PDE4D: variants seen among roughly 807,000 people sequenced by gnomAD.
The protein encoded by PDE4D is phosphodiesterase 4D.
A neutral mutation model predicts 87.4 loss-of-function variants in PDE4D; 24 were observed. That is an observed-to-expected ratio of 0.27 (90% CI 0.20 to 0.39). The LOEUF is 0.39. Among genes scored for constraint, PDE4D ranks in the 10% least tolerant of loss-of-function variants. PDE4D has a pLI of 1.00. For synonymous variants in PDE4D, 384 were observed against 383.2 expected (o/e 1.00, Z -0.02); for missense variants, 714 against 1,041.0 (o/e 0.69, Z 4.32).
intron 2 of PDE4D, among the ~76,000 whole-genome samples, chr5:60,166,075 T>A (rs1290942166): frequency 2.0e-5 from 3 of 152,126 alleles, no homozygotes; most frequent in African/African-American, 7.2e-5. Context: ...ATGAGGCTTA[T>A]AAAAAACACT....
upstream of PDE4D, among the ~76,000 whole-genome samples, chr5:59,895,091 A>G (rs1468963864): frequency 6.6e-6 from 1 of 152,232 alleles, no homozygotes; most frequent in Non-Finnish European, 1.5e-5. Flanking sequence ...GTCTTAACAT[A>G]TTTTCATATG....
At chr5:60,004,652 T>G (rs186671255) in intron 2 of PDE4D, among the ~76,000 whole-genome samples, 58 of 152,196 alleles carry the variant, frequency 3.8e-4, no homozygotes, top group Middle Eastern at 6.8e-3. Flanking sequence ...ATTTTAAAAA[T>G]AGGCAAGGGA....
intron 4 of PDE4D, 126 bp from the exon 5 acceptor site, chr5:59,180,770 A>T: frequency 1.1e-6 from 1 of 906,372 alleles, no homozygotes; most frequent in Admixed American, 2.1e-5. Flanking sequence ...CACGCAAATG[A>T]TTTCTTTCAG....
At chr5:60,356,186 C>A (rs1389448964) in intron 1 of PDE4D, among the ~76,000 whole-genome samples, 2 of 152,064 alleles carry the variant, frequency 1.3e-5, no homozygotes, top group Non-Finnish European at 2.9e-5. Context: ...TTTTATCAAT[C>A]CCCAGGAACT....
At chr5:60,027,610 C>T (rs781043622) in intron 2 of PDE4D, among the ~76,000 whole-genome samples, 2 of 152,178 alleles carry the variant, frequency 1.3e-5, no homozygotes, top group Non-Finnish European at 2.9e-5. Context: ...GTCTGTCTCC[C>T]TCTCACAACA....
chr5:59,034,476 T>C (rs1380985060), intron 6 of PDE4D, among the ~76,000 whole-genome samples: 2 of 152,208 alleles, frequency 1.3e-5, no homozygotes, highest in South Asian at 4.1e-4. Context: ...TCTTAAGATT[T>C]AGCCACTTCT....
At chr5:59,839,412 GTTTGTTT>G (rs988379950) in intron 1 of PDE4D, among the ~76,000 whole-genome samples, 15 of 151,752 alleles carry the variant, frequency 9.9e-5, no homozygotes, top group East Asian at 5.9e-4. Context: ...TTTTTTGTTT[GTTTGTTT>G]TTTGTTTTTT....
intron 1 of PDE4D, among the ~76,000 whole-genome samples, chr5:59,842,482 C>T (rs1743163186): frequency 6.6e-6 from 1 of 151,986 alleles, no homozygotes; most frequent in African/African-American, 2.4e-5. Context: ...AACTGGGATG[C>T]TGATTTTCAT....
chr5:60,222,445 G>T (rs1000214450), intron 1 of PDE4D, among the ~76,000 whole-genome samples: 1 of 152,096 alleles, frequency 6.6e-6, no homozygotes, highest in Non-Finnish European at 1.5e-5. Context: ...AATGATACGT[G>T]TTTATTCTTG....
At chr5:59,971,363 A>AAAATAAATAAATAAATAAATAAAT (rs371424891) in intron 3 of PDE4D, among the ~76,000 whole-genome samples, 3 of 145,880 alleles carry the variant, frequency 2.1e-5, no homozygotes, top group Admixed American at 1.4e-4. Context: ...ATAATAATAA[A>AAAATAAATAAATAAATAAATAAAT]AAATAAATAA....
intron 6 of PDE4D, among the ~76,000 whole-genome samples, chr5:59,008,573 A>G (rs183736453): frequency 1.3e-5 from 2 of 152,202 alleles, no homozygotes; most frequent in African/African-American, 4.8e-5. Flanking sequence ...ATCCTGCACC[A>G]CACTAACATC....
intron 3 of PDE4D, among the ~76,000 whole-genome samples, chr5:59,940,572 GTTTGATGGTATCATTCACTGAAA>G (rs1757072031): frequency 6.6e-6 from 1 of 152,166 alleles, no homozygotes; most frequent in Non-Finnish European, 1.5e-5. Context: ...GAAAGTAGAT[GTTTGATGGTATCATTCACTGAAA>G]TAGAGAACAC....
intron 5 of PDE4D, among the ~76,000 whole-genome samples, chr5:59,076,972 G>T (rs1437402126): frequency 6.6e-6 from 1 of 152,142 alleles, no homozygotes; most frequent in East Asian, 1.9e-4. Flanking sequence ...AAAATATATG[G>T]ATATAACTTG....
At chr5:59,167,069 A>AT (rs1187975281) in intron 5 of PDE4D, among the ~76,000 whole-genome samples, 2 of 152,182 alleles carry the variant, frequency 1.3e-5, no homozygotes, top group African/African-American at 4.8e-5. Context: ...CACCGTGCTA[A>AT]TTTTTTTACA....
At chr5:59,004,754 C>T (rs1353071896) in intron 6 of PDE4D, among the ~76,000 whole-genome samples, 1 of 152,216 alleles carries the variant, frequency 6.6e-6, no homozygotes, top group East Asian at 1.9e-4. Context: ...GTGTGGGACA[C>T]ACAGCAAACC....
intron 1 of PDE4D, among the ~76,000 whole-genome samples, chr5:59,849,706 C>A (rs1744395179): frequency 6.6e-6 from 1 of 151,284 alleles, no homozygotes; most frequent in Admixed American, 6.6e-5. Flanking sequence ...TTGTTTTTGT[C>A]CCTTATTTAT....
intron 4 of PDE4D, among the ~76,000 whole-genome samples, chr5:59,182,698 C>T (rs1581236126): frequency 6.6e-6 from 1 of 152,072 alleles, no homozygotes; most frequent in African/African-American, 2.4e-5. Flanking sequence ...AACTGGTACT[C>T]AGGAACTTGA....
intron 1 of PDE4D, among the ~76,000 whole-genome samples, chr5:59,687,233 C>T (rs1472500009): frequency 6.6e-6 from 1 of 152,034 alleles, no homozygotes; most frequent in Non-Finnish European, 1.5e-5. Context: ...TAGAATGCCA[C>T]AAAGATACTC....
Position 59,651,258 on chromosome 5 carries a change from C to CAACAATAATAAT in PDE4D, c.455+241909_455+241910insATTATTATTGTT, listed in dbSNP as rs551682264. Among the ~76,000 whole-genome samples the CAACAATAATAAT allele has an allele frequency of 4.1e-4, 58 of 142,258 alleles. 1 individual carries two copies. Among genetic ancestry groups the CAACAATAATAAT allele is most frequent in the Middle Eastern group, 7.2e-3 (2 of 276 alleles). 93.3% of individuals were successfully genotyped at this position (142,258 alleles called of 152,430 possible). A position where few individuals can be genotyped will look rare whatever the true frequency, so the allele number is the denominator to read the frequency against. On this transcript the variant is annotated intron_variant, in intron 1 of 14. Coordinates refer to ENST00000340635, the MANE Select transcript of PDE4D (RefSeq NM_001104631.2). Reference sequence around the variant, plus strand: ...GCAACAGAGTGAGACTCTGTCTCAACAATAATAATAATAATAATAATAATA... The same window carrying CAACAATAATAAT: ...GCAACAGAGTGAGACTCTGTCTCAACAACAATAATAATAATAATAATAATAATAATAATAATA...
Sources: gnomAD v4.1 joint callset for allele counts (sites outside exome capture counted in the v4.1 genomes callset) on GRCh38, gnomAD v4.1.1 for gene constraint, MANE v1.5 for transcripts, NCBI Gene and HGNC (gene_info 2026-07-23, HGNC 2026-07-21) for gene names.